The following ATP11A variants were observed in gnomAD, a reference collection of about 807,000 sequenced individuals.
ATP11A encodes phospholipid-transporting ATPase IH.
ATP11A carries 81 observed loss-of-function variants against 154.4 expected under a neutral mutation model. The observed-to-expected ratio is 0.52, with a 90% CI of 0.44 to 0.63. The LOEUF (loss-of-function observed/expected upper bound fraction) is 0.63. Among genes scored for constraint, ATP11A ranks in the 30% least tolerant of loss-of-function variants. The probability of loss-of-function intolerance (pLI) is 0.00; values close to 1 mark genes in which losing one functional copy is unlikely to be tolerated. For synonymous variants in ATP11A, 623 were observed against 585.9 expected (o/e 1.06, Z -0.91); for missense variants, 1,316 against 1,474.3 (o/e 0.89, Z 1.76).
rs371180207 is a variant in ATP11A at position 112,712,708 on chromosome 13, C to G, written c.39+22253C>G. Among the ~76,000 whole-genome samples, 8 of 152,270 alleles carry G rather than the reference C, an allele frequency of 5.3e-5. No homozygotes were observed. In the East Asian group the frequency reaches 1.4e-3, roughly 26 times the overall value. ...TGTTTCCAAGGTGTGGCTCTATGGCCGGACCACAGTCGGTGAGGTGAGGGC... is the reference window on the plus strand; with the variant it reads ...TGTTTCCAAGGTGTGGCTCTATGGCGGGACCACAGTCGGTGAGGTGAGGGC... On this transcript the variant is annotated intron_variant, in intron 1 of 29. Transcript: ENST00000375645.
chr13:112,723,198 G>A (rs918479875), intron 1 of ATP11A, among the ~76,000 whole-genome samples: 12 of 150,642 alleles, frequency 8.0e-5, no homozygotes, highest in African/African-American at 2.9e-4. Flanking sequence ...CTTCGATCCT[G>A]TGAGCGTGGG....
chr13:112,786,962 A>G (rs1355609488), intron 2 of ATP11A, among the ~76,000 whole-genome samples: 2 of 150,840 alleles, frequency 1.3e-5, no homozygotes, highest in East Asian at 3.9e-4. Flanking sequence ...CTTAATTCAC[A>G]CCGGGTGTCC....
At chr13:112,715,532 T>C in intron 1 of ATP11A, among the ~76,000 whole-genome samples, 2 of 29,370 alleles carry the variant, frequency 6.8e-5, no homozygotes, top group Non-Finnish European at 1.7e-4. Context: ...CACCCTTCAC[T>C]TGGCTGAGGC....
intron 24 of ATP11A, 30 bp from the exon 25 acceptor site, chr13:112,862,410 A>G: frequency 6.2e-7 from 1 of 1,611,994 alleles, no homozygotes. Flanking sequence ...ATTCTCGAGG[A>G]CACACGCTGT....
chr13:112,755,938 A>G (rs1192810531), intron 1 of ATP11A, among the ~76,000 whole-genome samples: 1 of 132,476 alleles, frequency 7.5e-6, no homozygotes, highest in Non-Finnish European at 1.6e-5. Context: ...AGCGGCTCCC[A>G]GAACCATTTC....
chr13:112,874,710 C>T (rs1024537316), intron 27 of ATP11A, among the ~76,000 whole-genome samples: 8 of 152,174 alleles, frequency 5.3e-5, no homozygotes, highest in Admixed American at 3.9e-4. Flanking sequence ...CCCCAAGTTG[C>T]ATTACACAGT....
intron 1 of ATP11A, among the ~76,000 whole-genome samples, chr13:112,737,385 C>G (rs1260585769): frequency 6.6e-6 from 1 of 152,226 alleles, no homozygotes; most frequent in Non-Finnish European, 1.5e-5. Flanking sequence ...GCAAGTTATC[C>G]TTCGGTGAAA....
chr13:112,690,507 C>A lies in ATP11A; in HGVS notation c.39+52C>A, dbSNP rs1403491289. On this transcript the variant is annotated intron_variant, in intron 1 of 29. Transcript: ENST00000375645. This position sits in a 1 kb window ranked among gnomAD's most constrained non-coding sequence, Gnocchi z 5.6. The stretch of plus-strand genomic sequence containing the variant: ...GACCCGGGGACCAGACAGACGCGGG[C>A]CGGCCCCGCAGCCCGGACCCTGTGG... 1 of 1,274,374 alleles carries A rather than the reference C, an allele frequency of 7.8e-7. No homozygotes were observed. Among genetic ancestry groups the A allele is most frequent in the Non-Finnish European group, 9.9e-7 (1 of 1,010,236 alleles). 78.9% of individuals were successfully genotyped at this position (1,274,374 alleles called of 1,614,324 possible).
At chr13:112,817,631 G>C (rs896300072) in intron 6 of ATP11A, among the ~76,000 whole-genome samples, 7 of 152,216 alleles carry the variant, frequency 4.6e-5, no homozygotes, top group African/African-American at 1.7e-4. Context: ...CCTGCAGACT[G>C]TGGCTGGTCA....
rs189154550 is a variant in ATP11A at position 112,822,021 on chromosome 13, C to T, written c.726-1324C>T. On this transcript the variant is annotated intron_variant, in intron 8 of 29. Coordinates refer to ENST00000375645, the MANE Select transcript of ATP11A (RefSeq NM_015205.3). ...CAGCCCCACTCTGCCTGTCTTCAGC[C>T]GGATGCAGTTCTGAGGTCTATCGAC... Among the ~76,000 whole-genome samples, 9 of 152,276 alleles carry T rather than the reference C, an allele frequency of 5.9e-5. No individual in the cohort carries two copies. The East Asian group carries it at 7.7e-4, about 13-fold the overall frequency.
chr13:112,862,617 A>G, intron 25 of ATP11A, 42 bp downstream of exon 25: 1 of 1,613,018 alleles, frequency 6.2e-7, no homozygotes, highest in Non-Finnish European at 8.5e-7. Flanking sequence ...CTGCTTAGGA[A>G]TAAAGCCTCC....
At chr13:112,715,101 C>T (rs974463260) in intron 1 of ATP11A, among the ~76,000 whole-genome samples, 3 of 152,176 alleles carry the variant, frequency 2.0e-5, no homozygotes, top group South Asian at 2.1e-4. Context: ...TGTATGACTC[C>T]GCCGTTCCTT....
chr13:112,693,580 G>A (rs1165092067), intron 1 of ATP11A, among the ~76,000 whole-genome samples: 1 of 152,032 alleles, frequency 6.6e-6, no homozygotes, highest in Non-Finnish European at 1.5e-5. Flanking sequence ...AGTAGTGTAT[G>A]TGCTATGGGG....
At position 112,746,630 on chromosome 13, in the gene ATP11A, C is replaced by T. The variant is rs1357880468; in HGVS notation, c.40-38505C>T. On this transcript the variant is annotated intron_variant, in intron 1 of 29. Transcript: ENST00000375645. The surrounding 1 kb of genome is among the most constrained non-coding windows in gnomAD (Gnocchi z 4.1). ...GCACAACCATACCTCACTGCAGCTTCGACCTCCTGGGCTCAAGCGATCCTC... is the reference window on the plus strand; with the variant it reads ...GCACAACCATACCTCACTGCAGCTTTGACCTCCTGGGCTCAAGCGATCCTC... 3 of 151,492 alleles carry T rather than the reference C, an allele frequency of 2.0e-5. No homozygotes were observed. The highest frequency in any genetic ancestry group is 2.9e-5 in the Non-Finnish European group (2 of 67,988). The allele number at this position is 151,492 out of a possible 1,614,324, so 9.4% of individuals were successfully genotyped here. A position where few individuals can be genotyped will look rare whatever the true frequency, so the allele number is the denominator to read the frequency against.
At chr13:112,733,368 A>C (rs1426442547) in intron 1 of ATP11A, among the ~76,000 whole-genome samples, 3 of 152,244 alleles carry the variant, frequency 2.0e-5, no homozygotes, top group Non-Finnish European at 4.4e-5. Flanking sequence ...GACAGGATGG[A>C]TAGGACTGTA....
At chr13:112,814,778 G>A (rs1251287026) in intron 5 of ATP11A, among the ~76,000 whole-genome samples, 1 of 152,146 alleles carries the variant, frequency 6.6e-6, no homozygotes, top group Non-Finnish European at 1.5e-5. Context: ...CTGGACATTG[G>A]GGATACGTAT....
intron 12 of ATP11A, among the ~76,000 whole-genome samples, chr13:112,829,462 C>T (rs1197816933): frequency 6.6e-6 from 1 of 152,212 alleles, no homozygotes; most frequent in Non-Finnish European, 1.5e-5. Context: ...AAGGACAAAA[C>T]CATATGATTA....
chr13:112,865,084 G>T (rs79245665), intron 25 of ATP11A, among the ~76,000 whole-genome samples: 82 of 53,808 alleles, frequency 1.5e-3, no homozygotes, highest in Middle Eastern at 0.017. Context: ...TCACCACATG[G>T]GCAGTAATTC....
intron 1 of ATP11A, among the ~76,000 whole-genome samples, chr13:112,702,731 TG>T (rs1886715901): frequency 1.1e-4 from 17 of 151,984 alleles, no homozygotes; most frequent in Admixed American, 1.1e-3. Context: ...CACGTGTGCA[TG>T]AGAGGAAGGC....
Sources: allele counts gnomAD v4.1 joint callset (sites outside exome capture counted in the v4.1 genomes callset), GRCh38; gene constraint gnomAD v4.1.1; non-coding constraint Gnocchi (gnomAD v3.1); transcripts MANE v1.5; gene names NCBI Gene and HGNC (gene_info 2026-07-23, HGNC 2026-07-21).